FANCB: variants seen among roughly 807,000 people sequenced by gnomAD.
FANCB encodes FA complementation group B.
Under a neutral mutation model 38.9 loss-of-function variants are expected in FANCB, and 5 were observed. That is an observed-to-expected ratio of 0.13 (90% CI 0.07 to 0.27). The LOEUF (loss-of-function observed/expected upper bound fraction) is 0.27. FANCB is among the 10% of genes least tolerant of loss of function. The probability of loss-of-function intolerance (pLI) is 1.00; values close to 1 mark genes in which losing one functional copy is unlikely to be tolerated. For missense variants in FANCB, 573 were observed against 602.7 expected, an observed-to-expected ratio of 0.95 and a Z score of 0.52; for synonymous variants, 236 against 215.4, an observed-to-expected ratio of 1.10 and a Z score of -0.84.
At chrX:14,835,492 C>T (rs1182396222), downstream of FANCB, among the ~76,000 whole-genome samples, 1 of 111,821 alleles carries the variant, frequency 8.9e-6, no homozygotes, top group East Asian at 2.8e-4. Flanking sequence ...GAGTGTGTAT[C>T]AGAATAACCT....
At chrX:14,809,140 C>A in the FANCB span, among the ~76,000 whole-genome samples, 1 of 112,200 alleles carries the variant, frequency 8.9e-6, no homozygotes, top group Non-Finnish European at 1.9e-5. Context: ...AATGCAAGCC[C>A]TATCAATACC....
chrX:14,835,666 A>G (rs181710031), downstream of FANCB, among the ~76,000 whole-genome samples: 159 of 111,904 alleles, frequency 1.4e-3, 1 homozygote, highest in Non-Finnish European at 2.0e-3. Context: ...GAGAAAAAAA[A>G]GTGACTGAAC....
chrX:14,753,028 C>T, the FANCB span, among the ~76,000 whole-genome samples: 29 of 100,138 alleles, frequency 2.9e-4, no homozygotes, highest in East Asian at 2.2e-3. Context: ...CACACACACA[C>T]ATTAGTTTTT....
chrX:14,865,459 A>G lies in FANCB; in HGVS notation c.52T>C (p.Tyr18His), dbSNP rs996732250. 3 of 1,209,865 alleles carry G rather than the reference A, an allele frequency of 2.5e-6. No homozygotes were observed. Among genetic ancestry groups the G allele is most frequent in the East Asian group, 3.0e-5 (1 of 33,791 alleles). ...SSNEQERLLC[Y>H]NGEVLVFQLS... ...TGGAAAACAAGGACTTCCCCATTAT[A>G]ACACAAGAGCCTTTCTTGTTCGTTA... The change falls in exon 3 of 10, where the codon TAT (tyrosine) becomes CAT (histidine). Residue 18 changes from tyrosine (Y) to histidine (H), a missense_variant. Transcript: ENST00000650831.
chrX:14,826,294 A>G, the FANCB span, among the ~76,000 whole-genome samples: 11 of 111,803 alleles, frequency 9.8e-5, no homozygotes, highest in Non-Finnish European at 1.7e-4. Flanking sequence ...CCCAAGCAGA[A>G]GCCCTTTCCT....
the FANCB span, chrX:14,730,557 A>AT: frequency 2.6e-6 from 1 of 381,289 alleles, no homozygotes; most frequent in South Asian, 4.0e-5. Context: ...AATTGTCTTT[A>AT]TATCACTTTG....
the FANCB span, chrX:14,690,887 G>A: frequency 1.5e-3 from 1,751 of 1,195,184 alleles, 2 homozygotes; most frequent in Non-Finnish European, 1.8e-3. Flanking sequence ...TTCAGACAAT[G>A]TAGAGCTTGA....
downstream of FANCB, among the ~76,000 whole-genome samples, chrX:14,842,654 T>C (rs760786384): frequency 4.4e-5 from 5 of 112,393 alleles, no homozygotes; most frequent in African/African-American, 6.5e-5. Context: ...TGAATTTTCA[T>C]TTATTTTTAA....
chrX:14,766,638 T>C, the FANCB span, among the ~76,000 whole-genome samples: 33 of 111,271 alleles, frequency 3.0e-4, 1 homozygote, highest in South Asian at 0.012. Context: ...ACTACCTGGA[T>C]ATATGTGTTT....
rs199510538 is a variant in FANCB, at chrX:14,850,507, C to A, written c.1494G>T (p.Lys498Asn). The change falls in exon 7 of 10, where the codon AAG becomes AAT. Residue 498 changes from lysine (K) to asparagine (N), a missense_variant and splice_region_variant. By Grantham distance (94) the Lys-to-Asn change is moderately conservative (BLOSUM62 0). Coordinates refer to ENST00000650831, the MANE Select transcript of FANCB (RefSeq NM_001018113.3). ...TTATCATGTTGGAATTTACTTACAG[C>A]TTCAAAGAAGATGTAGTTTTCACTC... Reference protein sequence around the residue: ...VVGVKTTSSLKLSLNDVTLSL... With the variant: ...VVGVKTTSSLNLSLNDVTLSL... 1,381 of 1,196,527 alleles carry A rather than the reference C, an allele frequency of 1.2e-3. 15 individuals carry two copies. The South Asian group carries it at 0.023, about 20-fold the overall frequency.
the FANCB span, among the ~76,000 whole-genome samples, chrX:14,721,722 T>C: frequency 9.0e-6 from 1 of 111,522 alleles, no homozygotes; most frequent in East Asian, 2.8e-4. Context: ...AAAAGACTTA[T>C]TCTGGATCCT....
At chrX:14,721,902 T>C in the FANCB span, among the ~76,000 whole-genome samples, 1 of 111,610 alleles carries the variant, frequency 9.0e-6, no homozygotes, top group Non-Finnish European at 1.9e-5. Context: ...CTATTTTCCA[T>C]GTTACCACAG....
At chrX:14,727,457 C>T in the FANCB span, among the ~76,000 whole-genome samples, 2 of 112,208 alleles carry the variant, frequency 1.8e-5, no homozygotes, top group African/African-American at 3.2e-5. Flanking sequence ...CTACTTCACA[C>T]TGGTTGAGAT....
the FANCB span, among the ~76,000 whole-genome samples, chrX:14,798,703 C>T: frequency 8.9e-6 from 1 of 111,995 alleles, no homozygotes; most frequent in Admixed American, 9.5e-5. Context: ...TAATTCATGA[C>T]AGAACGTGAT....
At chrX:14,693,679 A>T in the FANCB span, among the ~76,000 whole-genome samples, 3 of 112,322 alleles carry the variant, frequency 2.7e-5, no homozygotes. Context: ...TGGTATATTT[A>T]TCATGAGTTG....
chrX:14,720,893 A>G, the FANCB span, among the ~76,000 whole-genome samples: 57 of 110,894 alleles, frequency 5.1e-4, 1 homozygote, highest in Middle Eastern at 4.6e-3. Flanking sequence ...GCATTTTAGG[A>G]GACCAAGATG....
At chrX:14,819,544 C>T in the FANCB span, among the ~76,000 whole-genome samples, 3 of 111,745 alleles carry the variant, frequency 2.7e-5, no homozygotes, top group Non-Finnish European at 5.6e-5. Context: ...CAGCCCCCAG[C>T]TAAAGACCTC....
chrX:14,712,359 G>A, the FANCB span, among the ~76,000 whole-genome samples: 1 of 111,544 alleles, frequency 9.0e-6, no homozygotes, highest in South Asian at 3.7e-4. Context: ...TCCCCTAGGG[G>A]GCAAAAATGA....
chrX:14,720,792 T>C, the FANCB span, among the ~76,000 whole-genome samples: 2 of 112,212 alleles, frequency 1.8e-5, no homozygotes, highest in Admixed American at 1.9e-4. Context: ...TTTCATTTTA[T>C]ACTATCTTTG....
Sources: gnomAD v4.1 joint callset for allele counts (sites outside exome capture counted in the v4.1 genomes callset) on GRCh38, gnomAD v4.1.1 for gene constraint, MANE v1.5 for transcripts, NCBI Gene and HGNC (gene_info 2026-07-23, HGNC 2026-07-21) for gene names.